The following FRMPD4 variants were observed in gnomAD, a reference collection of about 807,000 sequenced individuals.
FRMPD4 encodes FERM and PDZ domain-containing protein 4.
In FRMPD4, 22 loss-of-function variants were observed where a neutral mutation model predicts 94.1. The observed-to-expected ratio is 0.23, with a 90% CI of 0.17 to 0.33. The LOEUF is 0.33. Among genes scored for constraint, FRMPD4 ranks in the 10% least tolerant of loss-of-function variants. FRMPD4 has a pLI of 1.00. For missense variants in FRMPD4, 1,111 were observed against 1,339.9 expected (o/e 0.83, Z 2.67); for synonymous variants, 631 against 548.6 (o/e 1.15, Z -2.10).
At chrX:12,682,964 T>TGAGAGAGAAAGA (rs1488161921) in intron 5 of FRMPD4, among the ~76,000 whole-genome samples, 1 of 111,856 alleles carries the variant, frequency 8.9e-6, no homozygotes, top group African/African-American at 3.2e-5. Context: ...CATGAGTGCT[T>TGAGAGAGAAAGA]GAGAGAGAAA....
intron 12 of FRMPD4, 124 bp from the exon 13 acceptor site, chrX:12,707,345 T>C (rs7880793): frequency 0.031 from 16,483 of 525,840 alleles, 1,306 homozygotes; most frequent in African/African-American, 0.27. Context: ...GATGATTTAG[T>C]ACAGTATGAC....
chrX:11,906,591 AT>A (rs1324172556), intron 3 of FRMPD4, among the ~76,000 whole-genome samples: 1 of 109,704 alleles, frequency 9.1e-6, no homozygotes, highest in African/African-American at 3.3e-5. Context: ...TTTTTATTGT[AT>A]TTTTTTCACT....
chrX:11,913,921 A>G (rs956862289), intron 3 of FRMPD4, among the ~76,000 whole-genome samples: 1 of 112,009 alleles, frequency 8.9e-6, no homozygotes, highest in African/African-American at 3.2e-5. Context: ...ACTCCAAGCA[A>G]ACTCTGGAGA....
intron 2 of FRMPD4, among the ~76,000 whole-genome samples, chrX:12,542,982 A>G (rs2058433391): frequency 8.9e-6 from 1 of 112,253 alleles, no homozygotes; most frequent in Non-Finnish European, 1.9e-5. Context: ...AAAACAAGAA[A>G]TGGGGAAAAG....
intron 1 of FRMPD4, among the ~76,000 whole-genome samples, chrX:12,152,570 C>T (rs1368149050): frequency 9.0e-6 from 1 of 110,705 alleles, no homozygotes; most frequent in Admixed American, 9.6e-5. Flanking sequence ...AAATCAACCC[C>T]GGAGAAAATA....
At chrX:12,048,824 T>C (rs939453492) in intron 3 of FRMPD4, among the ~76,000 whole-genome samples, 1 of 111,594 alleles carries the variant, frequency 9.0e-6, no homozygotes, top group Non-Finnish European at 1.9e-5. Flanking sequence ...CTGGATTCTC[T>C]ATTTTGTTCC....
intron 1 of FRMPD4, among the ~76,000 whole-genome samples, chrX:12,230,464 C>G (rs1408926327): frequency 9.0e-6 from 1 of 111,064 alleles, no homozygotes; most frequent in East Asian, 2.8e-4. Flanking sequence ...TGTTTTTGAG[C>G]CAAATCAAAA....
At chrX:12,120,069 C>G (rs1280911831) in intron 3 of FRMPD4, among the ~76,000 whole-genome samples, 1 of 112,278 alleles carries the variant, frequency 8.9e-6, no homozygotes, top group Non-Finnish European at 1.9e-5. Context: ...CAGTAGTCAC[C>G]AATCACTGAG....
intron 1 of FRMPD4, among the ~76,000 whole-genome samples, chrX:12,182,473 T>C (rs1341752302): frequency 1.8e-5 from 2 of 111,184 alleles, no homozygotes; most frequent in Non-Finnish European, 3.8e-5. Context: ...ATTATTTTAA[T>C]GCACTGAGGA....
Position 11,870,824 on chromosome X carries a change from T to C in FRMPD4, c.-30+5608T>C, listed in dbSNP as rs2053752126. On this transcript the variant is annotated intron_variant, in intron 2 of 18. Transcript: ENST00000640291. ...AGAAACTCTCTGAGCCATAATGTAC[T>C]AGTGTGTGAAATAAGGGAATTGGAC... is the stretch of plus-strand genomic sequence containing the variant. Among the ~76,000 whole-genome samples, 4 of 112,669 alleles carry C rather than the reference T, an allele frequency of 3.6e-5. No individual in the cohort carries two copies. The Admixed American group carries it at 3.7e-4, about 11-fold the overall frequency.
chrX:12,344,829 C>T (rs770626736), intron 1 of FRMPD4, among the ~76,000 whole-genome samples: 21 of 111,741 alleles, frequency 1.9e-4, no homozygotes, highest in African/African-American at 6.5e-4. Context: ...GGAGATCTCC[C>T]GTGGTCCACC....
At chrX:12,212,704 T>C (rs902077872) in intron 1 of FRMPD4, among the ~76,000 whole-genome samples, 2 of 112,190 alleles carry the variant, frequency 1.8e-5, no homozygotes, top group Non-Finnish European at 3.8e-5. Flanking sequence ...CAAAAATTCA[T>C]ACCCACCATA....
Position 12,078,865 on chromosome X carries a change from C to T in FRMPD4, c.95+200847C>T, listed in dbSNP as rs751921122. ...AATGTCTCCAGACACTGGAAAGTGTCGCTTGGTAAGTGGGGGTGCATAATC... is the reference window on the plus strand; with the variant it reads ...AATGTCTCCAGACACTGGAAAGTGTTGCTTGGTAAGTGGGGGTGCATAATC... On this transcript the variant is annotated intron_variant, in intron 3 of 18. Transcript: ENST00000640291. 9.8e-5 allele frequency among the ~76,000 whole-genome samples: 11 copies of T among 111,754 alleles called. No individual in the cohort carries two copies. In the East Asian group the frequency reaches 2.5e-3, roughly 26 times the overall value.
chrX:12,653,377 A>C (rs1034895174), intron 4 of FRMPD4, among the ~76,000 whole-genome samples: 1 of 112,660 alleles, frequency 8.9e-6, no homozygotes, highest in Admixed American at 9.4e-5. Context: ...TTACAAACTA[A>C]GACCTATTGG....
chrX:12,213,777 G>A (rs186874405), intron 1 of FRMPD4, among the ~76,000 whole-genome samples: 2 of 112,241 alleles, frequency 1.8e-5, no homozygotes, highest in East Asian at 5.6e-4. Context: ...CTGTGTAAAT[G>A]AGAAAGGATA....
chrX:12,702,704 G>A (rs2041809355), intron 10 of FRMPD4, among the ~76,000 whole-genome samples: 1 of 112,573 alleles, frequency 8.9e-6, no homozygotes, highest in East Asian at 2.8e-4. Context: ...AGCCTGTGTT[G>A]GGAAGGATTA....
At chrX:12,095,914 C>A (rs1336603427) in intron 3 of FRMPD4, among the ~76,000 whole-genome samples, 1 of 112,361 alleles carries the variant, frequency 8.9e-6, no homozygotes, top group Non-Finnish European at 1.9e-5. Context: ...CATCCTGCTT[C>A]CTGTGAAAGC....
chrX:12,223,073 T>C (rs1274559892), intron 1 of FRMPD4, among the ~76,000 whole-genome samples: 1 of 112,166 alleles, frequency 8.9e-6, no homozygotes, highest in African/African-American at 3.2e-5. Flanking sequence ...CTGACAGAAA[T>C]ACCATTCAAC....
Position 12,316,824 on chromosome X carries a change from G to T in FRMPD4, c.41+177812G>T, listed in dbSNP as rs528478396. Among the ~76,000 whole-genome samples, 3 of 109,454 alleles carry T rather than the reference G, an allele frequency of 2.7e-5. No individual in the cohort carries two copies. The South Asian group carries it at 1.2e-3, about 44-fold the overall frequency. ...GTGTTCTTGTCTTTTACATTACAAAGGTTGGTTTAAAGCCAGGCACATAGC... is the reference window on the plus strand; with the variant it reads ...GTGTTCTTGTCTTTTACATTACAAATGTTGGTTTAAAGCCAGGCACATAGC... On this transcript the variant is annotated intron_variant, in intron 1 of 16. Coordinates refer to ENST00000675598, the MANE Select transcript of FRMPD4 (RefSeq NM_001368397.1).
Sources: gnomAD v4.1 joint callset for allele counts (sites outside exome capture counted in the v4.1 genomes callset) on GRCh38, gnomAD v4.1.1 for gene constraint, MANE v1.5 for transcripts, NCBI Gene and HGNC (gene_info 2026-07-23, HGNC 2026-07-21) for gene names.